The following GPC5 variants were observed in gnomAD, a reference collection of about 807,000 sequenced individuals.
GPC5 encodes glypican-5.
Under a neutral mutation model 53.9 loss-of-function variants are expected in GPC5, and 47 were observed. The ratio of observed to expected loss-of-function variants is 0.87; its 90% CI spans 0.69 to 1.11. The LOEUF (loss-of-function observed/expected upper bound fraction) is 1.11, where lower values mean the gene tolerates loss of function less well. GPC5 is among the 50% of genes most tolerant of loss of function. GPC5 has a pLI of 0.00. For missense variants in GPC5, 748 were observed against 713.1 expected, an observed-to-expected ratio of 1.05 and a Z score of -0.56; for synonymous variants, 286 against 263.3, an observed-to-expected ratio of 1.09 and a Z score of -0.84.
At chr13:92,373,216 T>G (rs557889339) in intron 7 of GPC5, among the ~76,000 whole-genome samples, 9 of 152,312 alleles carry the variant, frequency 5.9e-5, no homozygotes, top group African/African-American at 2.2e-4. Context: ...TAGAACACAT[T>G]CTAGTTTTAT....
chr13:92,212,713 T>G (rs2042383790), intron 7 of GPC5, among the ~76,000 whole-genome samples: 2 of 152,216 alleles, frequency 1.3e-5, no homozygotes, highest in Admixed American at 6.5e-5. Context: ...AAATAGCTGC[T>G]GCCTTAACCT....
chr13:92,335,455 G>T (rs1312566060), intron 7 of GPC5, among the ~76,000 whole-genome samples: 3 of 152,082 alleles, frequency 2.0e-5, no homozygotes, highest in East Asian at 1.9e-4. Flanking sequence ...TTCCGTGAAG[G>T]CCTCTGACAT....
intron 7 of GPC5, among the ~76,000 whole-genome samples, chr13:92,715,316 C>G (rs1566380435): frequency 6.6e-6 from 1 of 152,140 alleles, no homozygotes; most frequent in Non-Finnish European, 1.5e-5. Flanking sequence ...TTGAAAAACT[C>G]TACATTTTGA....
intron 7 of GPC5, among the ~76,000 whole-genome samples, chr13:92,386,508 GA>G (rs1313137663): frequency 6.6e-6 from 1 of 152,038 alleles, no homozygotes; most frequent in Non-Finnish European, 1.5e-5. Flanking sequence ...GTAACTCACA[GA>G]TGGTGAACTG....
chr13:91,596,192 A>G (rs1161672253), intron 2 of GPC5, among the ~76,000 whole-genome samples: 3 of 152,168 alleles, frequency 2.0e-5, no homozygotes, highest in African/African-American at 4.8e-5. Context: ...AAAGCAATGT[A>G]TCTTTTTGAT....
At chr13:91,482,172 G>C (rs1236153902) in intron 2 of GPC5, among the ~76,000 whole-genome samples, 1 of 152,134 alleles carries the variant, frequency 6.6e-6, no homozygotes, top group Non-Finnish European at 1.5e-5. Context: ...CTAATAAGAA[G>C]TATTTAGGCC....
intron 4 of GPC5, among the ~76,000 whole-genome samples, chr13:91,754,002 T>C (rs946736051): frequency 1.3e-5 from 2 of 152,188 alleles, no homozygotes; most frequent in Non-Finnish European, 2.9e-5. Flanking sequence ...TATTACTTTT[T>C]GACCAATAAT....
At chr13:92,657,546 G>C (rs1291814677) in intron 7 of GPC5, among the ~76,000 whole-genome samples, 1 of 146,050 alleles carries the variant, frequency 6.8e-6, no homozygotes, top group Non-Finnish European at 1.5e-5. Flanking sequence ...AAGAGTGTTA[G>C]TCAGAACTAC....
chr13:92,229,430 G>A (rs920736133), intron 7 of GPC5, among the ~76,000 whole-genome samples: 2 of 151,922 alleles, frequency 1.3e-5, no homozygotes, highest in African/African-American at 4.8e-5. Flanking sequence ...AAATTATTTT[G>A]GATTTATGTT....
chr13:92,815,901 A>G (rs1197413056), intron 7 of GPC5, among the ~76,000 whole-genome samples: 1 of 152,008 alleles, frequency 6.6e-6, no homozygotes, highest in Non-Finnish European at 1.5e-5. Flanking sequence ...TTGGAGATGG[A>G]AATCAAGAAT....
Position 92,174,365 on chromosome 13 carries a change from C to CAA in GPC5, c.1561+29386_1561+29387dup, listed in dbSNP as rs5805735. Among the ~76,000 whole-genome samples the CAA allele has an allele frequency of 5.4e-3, 752 of 138,918 alleles. 9 individuals are homozygous for CAA. Among genetic ancestry groups the CAA allele is most frequent in the African/African-American group, 0.018 (679 of 38,414 alleles). 91.1% of individuals were successfully genotyped at this position (138,918 alleles called of 152,430 possible). On this transcript the variant is annotated intron_variant, in intron 7 of 7. Coordinates refer to ENST00000377067, the MANE Select transcript of GPC5 (RefSeq NM_004466.6). ...TGAAACCCTGTCTCTACTAAAAACACAAAAAAAAAAACAAAAAAAAATGGC... is the reference window on the plus strand; with the variant it reads ...TGAAACCCTGTCTCTACTAAAAACACAAAAAAAAAAAAACAAAAAAAAATGGC...
chr13:91,455,254 GTTTAC>G (rs1248530672), intron 2 of GPC5, among the ~76,000 whole-genome samples: 3 of 151,960 alleles, frequency 2.0e-5, no homozygotes, highest in Non-Finnish European at 4.4e-5. Context: ...CTATGCACTT[GTTTAC>G]TTTACTAGAT....
At chr13:91,566,886 C>T (rs969870351) in intron 2 of GPC5, among the ~76,000 whole-genome samples, 4 of 150,048 alleles carry the variant, frequency 2.7e-5, no homozygotes, top group South Asian at 2.1e-4. Context: ...CAAAATAAAC[C>T]ATTTGAAAGA....
At chr13:92,499,776 T>A (rs1031915932) in intron 7 of GPC5, among the ~76,000 whole-genome samples, 14 of 152,178 alleles carry the variant, frequency 9.2e-5, no homozygotes, top group African/African-American at 2.9e-4. Context: ...GCTAAGTGAA[T>A]CTTCTTGTTA....
In GPC5 at chr13:91,513,642, G is replaced by A. The variant is rs9589271; in HGVS notation, c.325+64720G>A. Among the ~76,000 whole-genome samples the A allele has an allele frequency of 2.7e-3, 412 of 152,256 alleles. 1 individual carries two copies. Among genetic ancestry groups the A allele is most frequent in the African/African-American group, 9.7e-3 (404 of 41,532 alleles). ...TGTGGTCCCAGCTGCTCTGGAGGCTGAGGCAGGAGAATCACTTGAACCCCG... is the reference window on the plus strand; with the variant it reads ...TGTGGTCCCAGCTGCTCTGGAGGCTAAGGCAGGAGAATCACTTGAACCCCG... On this transcript the variant is annotated intron_variant, in intron 2 of 7. Transcript: ENST00000377067.
intron 3 of GPC5, among the ~76,000 whole-genome samples, chr13:91,721,069 C>A (rs1265673160): frequency 6.7e-4 from 1 of 1,486 alleles, no homozygotes; most frequent in Admixed American, 7.2e-3. Context: ...CCTTCCCTTT[C>A]TTTCTTTCTT....
At chr13:91,884,688 G>A (rs1162033696) in intron 5 of GPC5, among the ~76,000 whole-genome samples, 1 of 152,224 alleles carries the variant, frequency 6.6e-6, no homozygotes. Flanking sequence ...TGGGAGACCA[G>A]TTAAGAGGCC....
intron 7 of GPC5, among the ~76,000 whole-genome samples, chr13:92,217,911 CT>C (rs61595116): frequency 0.036 from 3,025 of 85,106 alleles, 125 homozygotes; most frequent in African/African-American, 0.14. Flanking sequence ...ATTATTTCTA[CT>C]TTTTTTTTTT....
At chr13:92,754,800 C>T (rs1394798656) in intron 7 of GPC5, among the ~76,000 whole-genome samples, 1 of 149,574 alleles carries the variant, frequency 6.7e-6, no homozygotes, top group Non-Finnish European at 1.5e-5. Context: ...TATATATGCA[C>T]CCAATACAGG....
Sources: allele counts gnomAD v4.1 joint callset (sites outside exome capture counted in the v4.1 genomes callset), GRCh38; gene constraint gnomAD v4.1.1; transcripts MANE v1.5; gene names NCBI Gene and HGNC (gene_info 2026-07-23, HGNC 2026-07-21).